The following PCDH9 variants were observed in gnomAD, a reference collection of about 807,000 sequenced individuals.
PCDH9 encodes protocadherin 9, also known as protocadherin-9.
In PCDH9, 24 loss-of-function variants were observed where a neutral mutation model predicts 70.6. That is an observed-to-expected ratio of 0.34 (90% CI 0.25 to 0.48). PCDH9 has a LOEUF of 0.48. Ranked by LOEUF, PCDH9 falls within the 20% of genes least tolerant of loss-of-function variation. The pLI is 0.99. For synonymous variants in PCDH9, 562 were observed against 558.5 expected, an observed-to-expected ratio of 1.01 and a Z score of -0.09; for missense variants, 1,281 against 1,503.6, an observed-to-expected ratio of 0.85 and a Z score of 2.45.
chr13:67,084,564 A>T (rs1182003989), intron 2 of PCDH9, among the ~76,000 whole-genome samples: 2 of 152,172 alleles, frequency 1.3e-5, no homozygotes, highest in East Asian at 3.9e-4. Context: ...AGTTGCCTGG[A>T]CTTCCTTGCT....
chr13:66,758,982 T>C (rs2079579661), intron 3 of PCDH9, among the ~76,000 whole-genome samples: 1 of 152,058 alleles, frequency 6.6e-6, no homozygotes, highest in South Asian at 2.1e-4. Flanking sequence ...CTCCCTTTTC[T>C]TCTCTGATTT....
chr13:66,733,712 C>T (rs1161675719), intron 3 of PCDH9, among the ~76,000 whole-genome samples: 3 of 149,774 alleles, frequency 2.0e-5, no homozygotes, highest in Non-Finnish European at 4.4e-5. Flanking sequence ...ACTTTGAAGG[C>T]CACAAAGCTG....
At chr13:66,415,582 G>A (rs1439964069) in intron 4 of PCDH9, among the ~76,000 whole-genome samples, 2 of 152,170 alleles carry the variant, frequency 1.3e-5, no homozygotes, top group East Asian at 3.8e-4. Context: ...GCTAAAGAGT[G>A]TCGTCTTACA....
intron 3 of PCDH9, among the ~76,000 whole-genome samples, chr13:66,900,242 A>T (rs1566277683): frequency 6.6e-6 from 1 of 151,920 alleles, no homozygotes; most frequent in Non-Finnish European, 1.5e-5. Flanking sequence ...GCATTTGAGC[A>T]AATTACATAA....
At chr13:67,114,114 G>A (rs2086713285) in intron 2 of PCDH9, among the ~76,000 whole-genome samples, 1 of 152,014 alleles carries the variant, frequency 6.6e-6, no homozygotes, top group Non-Finnish European at 1.5e-5. Context: ...ATTTTAAAAA[G>A]GCAGACAAAA....
intron 2 of PCDH9, among the ~76,000 whole-genome samples, chr13:67,143,718 G>A (rs2087452456): frequency 6.6e-6 from 1 of 152,124 alleles, no homozygotes; most frequent in South Asian, 2.1e-4. Context: ...GAACACTGCT[G>A]GCCAAACAAT....
intron 4 of PCDH9, among the ~76,000 whole-genome samples, chr13:66,572,649 T>C (rs1015993261): frequency 6.6e-6 from 1 of 152,212 alleles, no homozygotes; most frequent in Non-Finnish European, 1.5e-5. Flanking sequence ...TCTTGGCTAC[T>C]GTGAATGGTG....
chr13:66,707,216 AGCAGTT>A (rs1200697749), intron 3 of PCDH9, among the ~76,000 whole-genome samples: 1 of 152,214 alleles, frequency 6.6e-6, no homozygotes, highest in Non-Finnish European at 1.5e-5. Context: ...TAGGAACCTA[AGCAGTT>A]GCCATTTAAC....
chr13:66,391,399 A>G (rs1416495963), intron 4 of PCDH9, among the ~76,000 whole-genome samples: 1 of 152,190 alleles, frequency 6.6e-6, no homozygotes, highest in Non-Finnish European at 1.5e-5. Flanking sequence ...AACTCTACAA[A>G]TGCTCTGTCT....
Position 66,961,456 on chromosome 13 carries a change from C to T in PCDH9, c.3037-57851G>A, listed in dbSNP as rs542848095. Among the ~76,000 whole-genome samples the T allele has an allele frequency of 1.2e-3, 187 of 152,172 alleles. 1 individual carries two copies. The highest frequency in any genetic ancestry group is 6.0e-3 in the South Asian group (29 of 4,808). ...GGACCTCAAAGGAAGGAATAGAAGC[C>T]TATATATACATTTTCAAAATTTAAG... On this transcript the variant is annotated intron_variant, in intron 2 of 4. Coordinates refer to ENST00000377865, the MANE Select transcript of PCDH9 (RefSeq NM_203487.3).
At chr13:67,123,329 C>T (rs886497277) in intron 2 of PCDH9, among the ~76,000 whole-genome samples, 1 of 152,184 alleles carries the variant, frequency 6.6e-6, no homozygotes, top group Non-Finnish European at 1.5e-5. Context: ...TCCTTCCTTT[C>T]CTGCACTAGC....
At chr13:66,684,559 C>A (rs1320732972) in intron 3 of PCDH9, among the ~76,000 whole-genome samples, 1 of 152,098 alleles carries the variant, frequency 6.6e-6, no homozygotes, top group African/African-American at 2.4e-5. Context: ...AAGGGGCTTT[C>A]CCCCTTTCAC....
At chr13:66,578,154 T>C (rs1009588944) in intron 4 of PCDH9, among the ~76,000 whole-genome samples, 4 of 152,082 alleles carry the variant, frequency 2.6e-5, no homozygotes, top group African/African-American at 9.7e-5. Context: ...ACAAAGATAC[T>C]TGTAAAGTAG....
At chr13:67,036,124 G>GAAAA (rs1258233833) in intron 2 of PCDH9, among the ~76,000 whole-genome samples, 1 of 152,064 alleles carries the variant, frequency 6.6e-6, no homozygotes, top group Middle Eastern at 3.2e-3. Flanking sequence ...AATCTTAAAA[G>GAAAA]ACAAACAAAC....
intron 2 of PCDH9, among the ~76,000 whole-genome samples, chr13:66,974,170 T>C (rs1400337016): frequency 1.3e-5 from 2 of 152,012 alleles, no homozygotes; most frequent in Admixed American, 1.3e-4. Flanking sequence ...TTAAATTTAT[T>C]TCTTATCTCC....
At chr13:67,009,694 T>A (rs986302564) in intron 2 of PCDH9, among the ~76,000 whole-genome samples, 2 of 152,108 alleles carry the variant, frequency 1.3e-5, no homozygotes, top group Non-Finnish European at 2.9e-5. Context: ...ACCATTTATT[T>A]ATTTACTAAA....
intron 2 of PCDH9, among the ~76,000 whole-genome samples, chr13:67,175,732 A>C (rs1021037280): frequency 2.0e-5 from 3 of 152,184 alleles, no homozygotes; most frequent in African/African-American, 7.2e-5. Context: ...GATAGAATAT[A>C]GTTATTTCTG....
chr13:66,438,154 A>G (rs1269241139), intron 4 of PCDH9, among the ~76,000 whole-genome samples: 1 of 152,022 alleles, frequency 6.6e-6, no homozygotes, highest in Non-Finnish European at 1.5e-5. Context: ...TAATTGTTTG[A>G]AACCGGGAGG....
At chr13:66,387,583 C>A (rs1649567862) in intron 4 of PCDH9, among the ~76,000 whole-genome samples, 1 of 149,794 alleles carries the variant, frequency 6.7e-6, no homozygotes, top group African/African-American at 2.5e-5. Context: ...TTCCTCCTTT[C>A]TCCGTCTCAT....
Sources: allele counts gnomAD v4.1 joint callset (sites outside exome capture counted in the v4.1 genomes callset), GRCh38; gene constraint gnomAD v4.1.1; transcripts MANE v1.5; gene names NCBI Gene and HGNC (gene_info 2026-07-23, HGNC 2026-07-21).